The following RARB variants were observed in gnomAD, a reference collection of about 807,000 sequenced individuals.
RARB encodes the protein retinoic acid receptor beta, also known as HBV-activated protein.
RARB carries 17 observed loss-of-function variants against 51.9 expected under a neutral mutation model. That is an observed-to-expected ratio of 0.33 (90% confidence interval 0.22 to 0.49). The LOEUF is 0.49. RARB is among the 20% of genes least tolerant of loss of function. The pLI, the probability that RARB is intolerant of heterozygous loss-of-function variation, is 0.99. For missense variants in RARB, 369 were observed against 550.8 expected, an observed-to-expected ratio of 0.67 and a Z score of 3.30; for synonymous variants, 215 against 195.4, an observed-to-expected ratio of 1.10 and a Z score of -0.84.
chr3:25,145,661 CTTA>C (rs1300564958), intron 4 of RARB, among the ~76,000 whole-genome samples: 1 of 152,058 alleles, frequency 6.6e-6, no homozygotes, highest in East Asian at 1.9e-4. Context: ...GTCCTCCTGA[CTTA>C]TTACTAGCTA....
intron 5 of RARB, among the ~76,000 whole-genome samples, chr3:25,323,848 AGT>A (rs1199791802): frequency 2.0e-5 from 3 of 152,216 alleles, no homozygotes; most frequent in Non-Finnish European, 2.9e-5. Flanking sequence ...CTTCCAGTTA[AGT>A]GTGGTCAGCT....
At chr3:25,192,260 G>A (rs1559499248) in intron 5 of RARB, among the ~76,000 whole-genome samples, 1 of 152,028 alleles carries the variant, frequency 6.6e-6, no homozygotes, top group Non-Finnish European at 1.5e-5. Context: ...GCCTCTTGAG[G>A]CATCTCATAA....
intron 4 of RARB, among the ~76,000 whole-genome samples, chr3:25,146,515 T>TTTG (rs1559482624): frequency 1.5e-4 from 22 of 142,060 alleles, no homozygotes; most frequent in African/African-American, 5.2e-4. Flanking sequence ...TTGTTTGTTT[T>TTTG]TTTTTTTTTG....
intron 2 of RARB, among the ~76,000 whole-genome samples, chr3:24,932,296 C>T (rs1356759113): frequency 6.6e-6 from 1 of 151,934 alleles, no homozygotes; most frequent in Non-Finnish European, 1.5e-5. Context: ...GGACCAGGCC[C>T]CTCTCCTGCT....
At chr3:25,193,909 T>A (rs1174925261) in intron 5 of RARB, among the ~76,000 whole-genome samples, 2 of 43,742 alleles carry the variant, frequency 4.6e-5, no homozygotes, top group African/African-American at 1.5e-4. Context: ...ATGTAATTAA[T>A]CAGTTAGTAA....
chr3:25,153,415 C>G (rs181373946), intron 4 of RARB, among the ~76,000 whole-genome samples: 1 of 152,134 alleles, frequency 6.6e-6, no homozygotes, highest in South Asian at 2.1e-4. Context: ...GAGATAATTT[C>G]TTTATCGAGT....
chr3:25,504,903 G>A (rs182909552), intron 3 of RARB, among the ~76,000 whole-genome samples: 9 of 151,308 alleles, frequency 5.9e-5, no homozygotes, highest in East Asian at 5.9e-4. Flanking sequence ...CATTATAGGC[G>A]CCTGCCACCA....
chr3:25,362,772 C>T (rs1705987954), intron 5 of RARB, among the ~76,000 whole-genome samples: 1 of 152,166 alleles, frequency 6.6e-6, no homozygotes, highest in Admixed American at 6.5e-5. Context: ...GTGCCCCACC[C>T]TGCTTTGGCT....
At chr3:25,171,978 T>A (rs535610090) in intron 4 of RARB, among the ~76,000 whole-genome samples, 1 of 152,308 alleles carries the variant, frequency 6.6e-6, no homozygotes, top group South Asian at 2.1e-4. Context: ...TTTCTTTTCA[T>A]CAGAGAAACA....
At chr3:25,293,577 G>A (rs184429) in intron 5 of RARB, among the ~76,000 whole-genome samples, 52,025 of 118,486 alleles carry the variant, frequency 0.44, 10,841 homozygotes, top group South Asian at 0.57. Context: ...AGAATTTCCC[G>A]AGGCTAGAGT....
rs751933611 is a variant in RARB at position 25,594,479 on chromosome 3, TA to T, written c.992-38del. ...AAACAAGGAAGAGGGGAAAAGGGCA[TA>T]AATCCTGATTTTGTTTAATACTTTA... is the stretch of plus-strand genomic sequence containing the variant. On this transcript the variant is annotated intron_variant, in intron 6 of 7. Coordinates refer to ENST00000330688, the MANE Select transcript of RARB (RefSeq NM_000965.5). The T allele has an allele frequency of 3.2e-6, 5 of 1,552,702 alleles. No individual in the cohort carries two copies. The African/African-American group carries it at 6.9e-5, about 22-fold the overall frequency.
At position 25,375,172 on chromosome 3, in the gene RARB, G is replaced by A. The variant is rs543931581; in HGVS notation, c.179-86021G>A. On this transcript the variant is annotated intron_variant, in intron 5 of 11. Coordinates refer to the RARB transcript ENST00000383772. ...AAGCCTGGAAAATTATCACCCATCA[G>A]CATATTCCACCTTTCAAAAATCATT... Among the ~76,000 whole-genome samples, 4 of 152,298 alleles carry A rather than the reference G, an allele frequency of 2.6e-5. No individual in the cohort carries two copies. In the South Asian group the frequency reaches 6.2e-4, roughly 24 times the overall value.
chr3:25,413,156 A>G (rs1163827582), intron 5 of RARB, among the ~76,000 whole-genome samples: 3 of 152,244 alleles, frequency 2.0e-5, no homozygotes, highest in African/African-American at 7.2e-5. Flanking sequence ...AAAGGTAACC[A>G]GTATCCTAAC....
At chr3:25,558,294 T>G (rs1340981479) in intron 3 of RARB, among the ~76,000 whole-genome samples, 1 of 152,208 alleles carries the variant, frequency 6.6e-6, no homozygotes, top group Non-Finnish European at 1.5e-5. Context: ...AAATGTTCTC[T>G]CGAAAGTCAC....
At position 25,155,521 on chromosome 3, in the gene RARB, T is replaced by A. The variant is rs13319953; in HGVS notation, c.-279-18598T>A. Among the ~76,000 whole-genome samples the A allele has an allele frequency of 3.7e-3, 567 of 152,350 alleles. 4 individuals are homozygous for A. The highest frequency in any genetic ancestry group is 0.013 in the African/African-American group (531 of 41,588). On this transcript the variant is annotated intron_variant, in intron 4 of 11. Coordinates refer to the RARB transcript ENST00000383772. ...TTGCTTTAGAGTTGCTAGAATTAAA[T>A]GACTGCTCCAGTGGCAATATTACTC...
intron 2 of RARB, among the ~76,000 whole-genome samples, chr3:25,494,188 A>G (rs1328173528): frequency 1.3e-5 from 2 of 149,744 alleles, no homozygotes; most frequent in African/African-American, 2.5e-5. Flanking sequence ...TCTAGTAAAC[A>G]CTTTGCATGG....
chr3:24,921,571 C>T (rs1695216898), intron 2 of RARB, among the ~76,000 whole-genome samples: 1 of 152,098 alleles, frequency 6.6e-6, no homozygotes, highest in African/African-American at 2.4e-5. Context: ...CCTCGCTCTT[C>T]AGATCAACCT....
chr3:25,439,153 G>C (rs6800566), intron 1 of RARB, among the ~76,000 whole-genome samples: 2 of 152,052 alleles, frequency 1.3e-5, no homozygotes, highest in Admixed American at 6.5e-5. Flanking sequence ...GCTAGAGAGT[G>C]TCTCTTCATT....
chr3:25,318,954 C>G (rs1260040802), intron 5 of RARB, among the ~76,000 whole-genome samples: 1 of 152,188 alleles, frequency 6.6e-6, no homozygotes, highest in African/African-American at 2.4e-5. Context: ...AACTCATGCT[C>G]TGTCTTTCCC....
Sources: gnomAD v4.1 joint callset for allele counts (sites outside exome capture counted in the v4.1 genomes callset) on GRCh38, gnomAD v4.1.1 for gene constraint, MANE v1.5 for transcripts, NCBI Gene and HGNC (gene_info 2026-07-23, HGNC 2026-07-21) for gene names.